Variants in ETNK1 observed in about 807,000 individuals in gnomAD.
ETNK1 encodes the protein putative protein product of Nbla10396.
ETNK1 carries 8 observed loss-of-function variants against 45.1 expected under a neutral mutation model. The observed-to-expected ratio is 0.18, with a 90% CI of 0.10 to 0.32. ETNK1 has a LOEUF of 0.32. ETNK1 is among the 10% of genes least tolerant of loss of function. The pLI is 1.00. For synonymous variants in ETNK1, 152 were observed against 151.9 expected (o/e 1.00, Z -0.01); for missense variants, 302 against 430.6 (o/e 0.70, Z 2.64).
chr12:22,666,553 T>C (rs899628541), intron 4 of ETNK1, among the ~76,000 whole-genome samples: 31 of 152,200 alleles, frequency 2.0e-4, no homozygotes, highest in Non-Finnish European at 4.4e-5. Context: ...AGAATGTTTA[T>C]TGGTCTCATG....
chr12:22,674,840 T>C lies in ETNK1; in HGVS notation c.945+1180T>C, dbSNP rs1954144597. On this transcript the variant is annotated intron_variant, in intron 6 of 7. Coordinates refer to ENST00000266517, the MANE Select transcript of ETNK1 (RefSeq NM_018638.5). ...GGGATACTGTGACTGTATCTGTACATGGCATTGAAAAATACCTTTGCTTCT... is the reference window on the plus strand; with the variant it reads ...GGGATACTGTGACTGTATCTGTACACGGCATTGAAAAATACCTTTGCTTCT... Among the ~76,000 whole-genome samples, 3 of 152,236 alleles carry C rather than the reference T, an allele frequency of 2.0e-5. No individual in the cohort carries two copies. In the South Asian group the frequency reaches 6.2e-4, roughly 32 times the overall value.
chr12:22,639,964 A>G (rs1198320638), intron 1 of ETNK1, among the ~76,000 whole-genome samples: 1 of 152,194 alleles, frequency 6.6e-6, no homozygotes, highest in Non-Finnish European at 1.5e-5. Context: ...TTTGGATATT[A>G]TGAAATACAG....
At chr12:22,634,721 T>C (rs1183854576) in intron 1 of ETNK1, among the ~76,000 whole-genome samples, 1 of 152,100 alleles carries the variant, frequency 6.6e-6, no homozygotes, top group Non-Finnish European at 1.5e-5. Flanking sequence ...TTTGTATTTA[T>C]TTATTTATTT....
rs781436816 is a variant in ETNK1, at chr12:22,684,988, A to C, written c.*34A>C. On this transcript the variant is annotated 3_prime_UTR_variant, in exon 8 of 8. Transcript: ENST00000266517. ...TTTAATTATTCTCCAGTAGCTGAGC[A>C]ATGCTTGTGAATCTTTTCTTAAGAA... 1 of 1,423,192 alleles carries C rather than the reference A, an allele frequency of 7.0e-7. No homozygotes were observed. Among genetic ancestry groups the C allele is most frequent in the Admixed American group, 2.2e-5 (1 of 44,844 alleles). The allele number at this position is 1,423,192 out of a possible 1,614,324, so 88.2% of individuals were successfully genotyped here.
At position 22,664,363 on chromosome 12, in the gene ETNK1, A is replaced by G. The variant is rs531597944; in HGVS notation, c.700+3158A>G. 2.4e-4 allele frequency among the ~76,000 whole-genome samples: 37 copies of G among 152,164 alleles called. 1 individual carries two copies. In the East Asian group the frequency reaches 2.9e-3, roughly 12 times the overall value. On this transcript the variant is annotated intron_variant, in intron 4 of 7. Coordinates refer to ENST00000266517, the MANE Select transcript of ETNK1 (RefSeq NM_018638.5). The stretch of plus-strand genomic sequence containing the variant: ...ATATGACATGACGATTCAGTTCACT[A>G]AAAGTGGAACTTTTAGTTTCTATCT...
In ETNK1 at chr12:22,661,045, T is replaced by C. The variant is rs1565444718; in HGVS notation, c.558-18T>C. 1 of 1,595,076 alleles carries C rather than the reference T, an allele frequency of 6.3e-7. No homozygotes were observed. Among genetic ancestry groups the C allele is most frequent in the Admixed American group, 1.9e-5 (1 of 53,990 alleles). On this transcript the variant is annotated intron_variant, in intron 3 of 7. Transcript: ENST00000266517. ...AAAAATGTCACACAAGATATAACTC[T>C]TCTTTTAAAACTAAAAGGTTCCTAA... is the stretch of plus-strand genomic sequence containing the variant.
intron 5 of ETNK1, among the ~76,000 whole-genome samples, 199 bp from the exon 6 acceptor site, chr12:22,673,301 A>C (rs543055862): frequency 1.3e-5 from 2 of 152,316 alleles, no homozygotes; most frequent in Admixed American, 1.3e-4. Context: ...GATCAACAGT[A>C]ATGTGCCTTA....
At chr12:22,675,746 A>C (rs1464377890) in intron 6 of ETNK1, among the ~76,000 whole-genome samples, 2 of 152,226 alleles carry the variant, frequency 1.3e-5, no homozygotes, top group Admixed American at 6.5e-5. Flanking sequence ...GAATATCTTC[A>C]TGAAATGAAC....
At chr12:22,673,683 A>T in intron 6 of ETNK1, 23 bp downstream of exon 6, 1 of 1,583,476 alleles carries the variant, frequency 6.3e-7, no homozygotes, top group Non-Finnish European at 8.6e-7. Flanking sequence ...GTACACAATT[A>T]ATGAAAGGTT....
Position 22,687,208 on chromosome 12 carries a change from G to A in ETNK1, c.*2254G>A, listed in dbSNP as rs1213240764. The stretch of plus-strand genomic sequence containing the variant: ...GGTTGTTGTGATGCTCCTACTTCCT[G>A]TATAGGTTTTTGGGATCATGGTGCA... On this transcript the variant is annotated 3_prime_UTR_variant, in exon 8 of 8. Transcript: ENST00000266517. 1.3e-5 allele frequency: 2 copies of A among 152,022 alleles called. No homozygotes were observed. Among genetic ancestry groups the A allele is most frequent in the Non-Finnish European group, 3.0e-5 (2 of 67,736 alleles). 9.4% of individuals were successfully genotyped at this position (152,022 alleles called of 1,614,324 possible).
rs76167366 is a variant in ETNK1, at chr12:22,688,767, A to C, written c.*3813A>C. 1.3e-5 allele frequency: 2 copies of C among 152,118 alleles called. No individual in the cohort carries two copies. Among genetic ancestry groups the C allele is most frequent in the Admixed American group, 6.6e-5 (1 of 15,256 alleles). 9.4% of individuals were successfully genotyped at this position (152,118 alleles called of 1,614,324 possible). Reference sequence around the variant, plus strand: ...TTTAAGTATGTGGTAAAGCAGCTTCATCTTTCAAAATTGATTTGCTCTGGT... The same window carrying C: ...TTTAAGTATGTGGTAAAGCAGCTTCCTCTTTCAAAATTGATTTGCTCTGGT... On this transcript the variant is annotated 3_prime_UTR_variant, in exon 8 of 8. Coordinates refer to ENST00000266517, the MANE Select transcript of ETNK1 (RefSeq NM_018638.5).
intron 6 of ETNK1, 92 bp from the exon 7 acceptor site, chr12:22,684,391 G>C (rs779442361): frequency 4.1e-5 from 34 of 826,042 alleles, no homozygotes; most frequent in Non-Finnish European, 3.3e-5. Flanking sequence ...GTGGTGCATG[G>C]AGTTGATTTA....
Position 22,634,905 on chromosome 12 carries a change from T to A in ETNK1, c.157-8858T>A, listed in dbSNP as rs139816742. On this transcript the variant is annotated intron_variant, in intron 1 of 7. Transcript: ENST00000266517. The stretch of plus-strand genomic sequence containing the variant: ...TTTTTCTATTTTATTGATAGTTTTG[T>A]CCTTCATTATTTCCTTCCTAATCGT... Among the ~76,000 whole-genome samples, 69 of 152,308 alleles carry A rather than the reference T, an allele frequency of 4.5e-4. 1 individual carries two copies. In the East Asian group the frequency reaches 0.011, roughly 23 times the overall value.
intron 6 of ETNK1, among the ~76,000 whole-genome samples, chr12:22,677,604 A>T (rs2137573849): frequency 6.6e-6 from 1 of 152,318 alleles, no homozygotes; most frequent in Middle Eastern, 3.4e-3. Context: ...TTTGGGCAGT[A>T]TTGCCATTTT....
rs537505100 is a variant in ETNK1, at chr12:22,649,711, T to G, written c.416+5689T>G. Among the ~76,000 whole-genome samples the G allele has an allele frequency of 2.0e-5, 3 of 152,242 alleles. No individual in the cohort carries two copies. In the South Asian group the frequency reaches 6.2e-4, roughly 32 times the overall value. The stretch of plus-strand genomic sequence containing the variant: ...GCTATTCTGGGCCTTTTGCTTCTCC[T>G]TATAAACTTTAGTTTTTACATTTTA... On this transcript the variant is annotated intron_variant, in intron 2 of 7. Transcript: ENST00000266517.
chr12:22,662,980 G>T (rs1258527230), intron 4 of ETNK1, among the ~76,000 whole-genome samples: 1 of 152,078 alleles, frequency 6.6e-6, no homozygotes, highest in Non-Finnish European at 1.5e-5. Context: ...TTTTTTGTTT[G>T]ATATTTCAAT....
chr12:22,671,496 A>G, intron 5 of ETNK1, 141 bp downstream of exon 5: 2 of 658,462 alleles, frequency 3.0e-6, no homozygotes, highest in Non-Finnish European at 5.2e-6. Context: ...TTTGTTTATC[A>G]CTGGAAGAAA....
At chr12:22,658,990 T>C in intron 2 of ETNK1, 24 bp from the exon 3 acceptor site, 1 of 1,597,604 alleles carries the variant, frequency 6.3e-7, no homozygotes, top group Non-Finnish European at 8.5e-7. Context: ...AGTTTTTCTT[T>C]TTATGCGGTT....
rs1297420795 is a variant in ETNK1, at chr12:22,689,669, A to G, written c.*4715A>G. 1 of 152,030 alleles carries G rather than the reference A, an allele frequency of 6.6e-6. No individual in the cohort carries two copies. Among genetic ancestry groups the G allele is most frequent in the African/African-American group, 2.4e-5 (1 of 41,452 alleles). The allele number at this position is 152,030 out of a possible 1,614,324, so 9.4% of individuals were successfully genotyped here. Reference sequence around the variant, plus strand: ...ACTCATAATAAAGGAACTTTCAGAGATTGGTTGAAACCCAGTGGTATCCCT... The same window carrying G: ...ACTCATAATAAAGGAACTTTCAGAGGTTGGTTGAAACCCAGTGGTATCCCT... On this transcript the variant is annotated 3_prime_UTR_variant, in exon 8 of 8. Transcript: ENST00000266517.
Sources: gnomAD v4.1 joint callset for allele counts (sites outside exome capture counted in the v4.1 genomes callset) on GRCh38, gnomAD v4.1.1 for gene constraint, MANE v1.5 for transcripts, NCBI Gene and HGNC (gene_info 2026-07-23, HGNC 2026-07-21) for gene names.